UNC5D: variants seen among roughly 807,000 people sequenced by gnomAD.
UNC5D encodes the protein netrin receptor UNC5D.
UNC5D carries 39 observed loss-of-function variants against 105.4 expected under a neutral mutation model. The ratio of observed to expected loss-of-function variants is 0.37; its 90% CI spans 0.29 to 0.48. The LOEUF is 0.48. Among genes scored for constraint, UNC5D ranks in the 20% least tolerant of loss-of-function variants. The pLI is 0.98. For synonymous variants in UNC5D, 452 were observed against 450.4 expected (o/e 1.00, Z -0.04); for missense variants, 991 against 1,202.4 (o/e 0.82, Z 2.60).
intron 1 of UNC5D, among the ~76,000 whole-genome samples, chr8:35,399,595 T>C (rs116641003): frequency 2.0e-5 from 3 of 152,290 alleles, no homozygotes; most frequent in African/African-American, 7.2e-5. Context: ...TGCATACATA[T>C]GTCAAAAGTT....
intron 1 of UNC5D, among the ~76,000 whole-genome samples, chr8:35,458,800 A>G (rs1353485075): frequency 6.6e-6 from 1 of 152,176 alleles, no homozygotes; most frequent in Admixed American, 6.6e-5. Context: ...ATTTCTACAC[A>G]ATCCAAAATG....
intron 1 of UNC5D, among the ~76,000 whole-genome samples, chr8:35,478,796 A>G (rs955807940): frequency 5.3e-5 from 8 of 152,202 alleles, no homozygotes; most frequent in Non-Finnish European, 1.0e-4. Context: ...CAAGTACAAC[A>G]TTCTTTAACC....
At chr8:35,312,402 C>A (rs1300583916) in intron 1 of UNC5D, among the ~76,000 whole-genome samples, 2 of 152,146 alleles carry the variant, frequency 1.3e-5, no homozygotes, top group African/African-American at 2.4e-5. Context: ...AACAGCATTG[C>A]TTTGCTTCTC....
intron 7 of UNC5D, among the ~76,000 whole-genome samples, chr8:35,703,623 T>G (rs1341609438): frequency 1.3e-5 from 2 of 152,206 alleles, no homozygotes; most frequent in Admixed American, 1.3e-4. Context: ...TACTCCAATT[T>G]TTTCATAGCC....
chr8:35,682,473 C>G (rs1335811499), intron 4 of UNC5D, among the ~76,000 whole-genome samples: 4 of 151,986 alleles, frequency 2.6e-5, no homozygotes, highest in Non-Finnish European at 4.4e-5. Context: ...TTTATGTGTC[C>G]GTTAAATTAC....
At chr8:35,479,591 T>C (rs926142328) in intron 1 of UNC5D, among the ~76,000 whole-genome samples, 1 of 152,088 alleles carries the variant, frequency 6.6e-6, no homozygotes, top group African/African-American at 2.4e-5. Context: ...ATATACACCA[T>C]GGAATAGTAC....
At chr8:35,758,901 A>G (rs577277840) in intron 13 of UNC5D, among the ~76,000 whole-genome samples, 1 of 152,288 alleles carries the variant, frequency 6.6e-6, no homozygotes, top group Non-Finnish European at 1.5e-5. Context: ...TTGAACCAGA[A>G]TGGAGGGGGG....
chr8:35,689,954 T>C (rs1370489644), intron 7 of UNC5D, among the ~76,000 whole-genome samples: 2 of 152,194 alleles, frequency 1.3e-5, no homozygotes, highest in African/African-American at 2.4e-5. Flanking sequence ...GCTCAATCCA[T>C]TCCTATAGTG....
At chr8:35,650,913 C>T (rs1823365936) in intron 4 of UNC5D, among the ~76,000 whole-genome samples, 1 of 152,186 alleles carries the variant, frequency 6.6e-6, no homozygotes, top group Admixed American at 6.5e-5. Flanking sequence ...AAGAAATAGG[C>T]ATGTCTCATC....
chr8:35,725,862 C>A (rs1424686464), intron 9 of UNC5D, among the ~76,000 whole-genome samples: 3 of 152,130 alleles, frequency 2.0e-5, no homozygotes, highest in Non-Finnish European at 2.9e-5. Context: ...GAGTTCGTTG[C>A]CAGAGAGAGT....
chr8:35,475,631 C>A (rs953759449), intron 1 of UNC5D, among the ~76,000 whole-genome samples: 2 of 152,156 alleles, frequency 1.3e-5, no homozygotes, highest in Non-Finnish European at 2.9e-5. Flanking sequence ...ATGTCAACAC[C>A]TTTTTCCAGA....
chr8:35,671,600 T>C (rs1447010522), intron 4 of UNC5D, among the ~76,000 whole-genome samples: 1 of 152,198 alleles, frequency 6.6e-6, no homozygotes, highest in African/African-American at 2.4e-5. Context: ...AAAAGCACTA[T>C]CTGAACCACT....
intron 14 of UNC5D, 59 bp from the exon 15 acceptor site, chr8:35,766,843 G>C (rs2131710014): frequency 6.5e-7 from 1 of 1,546,950 alleles, no homozygotes; most frequent in Admixed American, 1.9e-5. Context: ...AGTCTCTCCT[G>C]TTCTAGTTCA....
At chr8:35,329,245 C>CT (rs1324618124) in intron 1 of UNC5D, among the ~76,000 whole-genome samples, 5 of 152,036 alleles carry the variant, frequency 3.3e-5, no homozygotes, top group Non-Finnish European at 7.4e-5. Context: ...TTCCCAAGTC[C>CT]TATTTTTTAC....
intron 1 of UNC5D, among the ~76,000 whole-genome samples, chr8:35,383,314 TA>T (rs907854813): frequency 1.3e-5 from 2 of 151,838 alleles, no homozygotes; most frequent in African/African-American, 2.4e-5. Flanking sequence ...TATTCTAGTA[TA>T]AAAAAAATCC....
At chr8:35,562,282 G>A (rs1817020190) in intron 2 of UNC5D, among the ~76,000 whole-genome samples, 1 of 152,046 alleles carries the variant, frequency 6.6e-6, no homozygotes, top group Admixed American at 6.6e-5. Context: ...GGATACTTAG[G>A]ATGATTCACG....
intron 1 of UNC5D, among the ~76,000 whole-genome samples, chr8:35,396,272 G>A (rs928069161): frequency 1.3e-5 from 2 of 152,204 alleles, no homozygotes; most frequent in Non-Finnish European, 2.9e-5. Context: ...GTATTCAATG[G>A]CTATGATGCA....
chr8:35,793,462 T>C lies in UNC5D; in HGVS notation c.*2899T>C, dbSNP rs1225076627. On this transcript the variant is annotated 3_prime_UTR_variant, in exon 17 of 17. Coordinates refer to ENST00000404895, the MANE Select transcript of UNC5D (RefSeq NM_080872.4). The stretch of plus-strand genomic sequence containing the variant: ...TGTCCTATTGCAAAATGAAACAAAA[T>C]TAAAAGTGGCCTCGAGTACTTGGTA... 1 of 160,540 alleles carries C rather than the reference T, an allele frequency of 6.2e-6. No homozygotes were observed. The highest frequency in any genetic ancestry group is 1.4e-5 in the Non-Finnish European group (1 of 73,052). 9.9% of individuals were successfully genotyped at this position (160,540 alleles called of 1,614,324 possible). A position where few individuals can be genotyped will look rare whatever the true frequency, so the allele number is the denominator to read the frequency against.
chr8:35,362,790 T>A (rs746176065), intron 1 of UNC5D, among the ~76,000 whole-genome samples: 2 of 152,180 alleles, frequency 1.3e-5, no homozygotes, highest in Non-Finnish European at 2.9e-5. Flanking sequence ...TTTTTGGCTT[T>A]GTTGGCTGTA....
Sources: allele counts gnomAD v4.1 joint callset (sites outside exome capture counted in the v4.1 genomes callset), GRCh38; gene constraint gnomAD v4.1.1; transcripts MANE v1.5; gene names NCBI Gene and HGNC (gene_info 2026-07-23, HGNC 2026-07-21).